The following SPATA33 variants were observed in gnomAD, a reference collection of about 807,000 sequenced individuals.
SPATA33 encodes spermatogenesis associated 33.
SPATA33 carries 10 observed loss-of-function variants against 8.9 expected under a neutral mutation model. That is an observed-to-expected ratio of 1.12 (90% confidence interval 0.69 to 1.90). The LOEUF is 1.90. Ranked by LOEUF, SPATA33 falls within the 40% of genes most tolerant of loss-of-function variation. The pLI, the probability that SPATA33 is intolerant of heterozygous loss-of-function variation, is 0.00. For missense variants in SPATA33, 241 were observed against 178.3 expected, an observed-to-expected ratio of 1.35 and a Z score of -2.00; for synonymous variants, 96 against 72.8, an observed-to-expected ratio of 1.32 and a Z score of -1.63.
At position 89,658,011 on chromosome 16, in the gene SPATA33, G is replaced by A. The variant is rs1243003598; in HGVS notation, c.37+63G>A. 3 of 1,489,522 alleles carry A rather than the reference G, an allele frequency of 2.0e-6. No individual in the cohort carries two copies. The Admixed American group carries it at 7.5e-5, about 37-fold the overall frequency. The allele number at this position is 1,489,522 out of a possible 1,614,324, so 92.3% of individuals were successfully genotyped here. On this transcript the variant is annotated intron_variant, in intron 1 of 2. Coordinates refer to ENST00000579310, the MANE Select transcript of SPATA33 (RefSeq NM_001271907.2). Reference sequence around the variant, plus strand: ...GCCCCTGGGCGCGGGCCCAGGGCGGGGCTGGGCTGGGCGGGGCGGTGTGAG... The same window carrying A: ...GCCCCTGGGCGCGGGCCCAGGGCGGAGCTGGGCTGGGCGGGGCGGTGTGAG...
At chr16:89,657,809 C>G (rs751840485), upstream of SPATA33, 2 of 1,491,926 alleles carry the variant, frequency 1.3e-6, no homozygotes, top group South Asian at 1.3e-5. Flanking sequence ...GCCATGGTGA[C>G]GCACGCCGCT....
At chr16:89,658,787 G>T in intron 2 of SPATA33, 1 of 284,914 alleles carries the variant, frequency 3.5e-6, no homozygotes, top group Admixed American at 4.5e-5. Context: ...GCCGTCCCAG[G>T]CTGGACTGTA....
intron 2 of SPATA33, among the ~76,000 whole-genome samples, chr16:89,667,363 T>C (rs2060040271): frequency 6.6e-6 from 1 of 152,206 alleles, no homozygotes; most frequent in African/African-American, 2.4e-5. Flanking sequence ...ATTATAATAT[T>C]GGAATAAAGA....
chr16:89,669,166 C>A, intron 2 of SPATA33, 120 bp from the exon 3 acceptor site: 1 of 886,174 alleles, frequency 1.1e-6, no homozygotes, highest in South Asian at 1.5e-5. Context: ...TTGGACTCAC[C>A]CATTTTTTCT....
At position 89,667,871 on chromosome 16, in the gene SPATA33, C is replaced by T. The variant is rs564112254; in HGVS notation, c.212-1415C>T. 4 of 152,384 alleles carry T rather than the reference C, an allele frequency of 2.6e-5. No homozygotes were observed. In the East Asian group the frequency reaches 7.7e-4, roughly 29 times the overall value. The allele number at this position is 152,384 out of a possible 1,614,324, so 9.4% of individuals were successfully genotyped here. A position where few individuals can be genotyped will look rare whatever the true frequency, so the allele number is the denominator to read the frequency against. ...TGGGCAGTCGAGTTGGCCTCTGTGT[C>T]TCCCCTGTTTGACTAGCCTTGGGCA... On this transcript the variant is annotated intron_variant, in intron 2 of 2. Transcript: ENST00000579310.
At chr16:89,660,684 G>C in intron 2 of SPATA33, 2 of 820,124 alleles carry the variant, frequency 2.4e-6, no homozygotes, top group Non-Finnish European at 1.6e-6. Flanking sequence ...GTCCAGAAAA[G>C]GCACATTTAC....
chr16:89,661,170 T>A (rs1386457571), intron 2 of SPATA33: 1 of 985,352 alleles, frequency 1.0e-6, no homozygotes. Flanking sequence ...GGAGAAAGTT[T>A]GGCCATAAGT....
chr16:89,661,801 C>G (rs1205720893), intron 2 of SPATA33, among the ~76,000 whole-genome samples: 2 of 151,898 alleles, frequency 1.3e-5, no homozygotes, highest in African/African-American at 4.8e-5. Context: ...GATGGGGTAT[C>G]TGAGGATGAG....
chr16:89,666,441 T>A (rs1461923242), intron 2 of SPATA33, among the ~76,000 whole-genome samples: 1 of 151,760 alleles, frequency 6.6e-6, no homozygotes, highest in Non-Finnish European at 1.5e-5. Flanking sequence ...AGTGGGAGAA[T>A]AACTTGAGCC....
intron 2 of SPATA33, chr16:89,658,940 G>A (rs2151523536): frequency 6.5e-6 from 1 of 154,856 alleles, no homozygotes; most frequent in South Asian, 1.9e-4. Flanking sequence ...CCAAAAGTAG[G>A]AAGAAGCTAG....
intron 2 of SPATA33, chr16:89,658,655 C>T: frequency 8.4e-6 from 5 of 593,366 alleles, no homozygotes; most frequent in Non-Finnish European, 1.5e-5. Context: ...AAGTGCGTAC[C>T]AGGTGGTCGA....
rs922149965 is a variant in SPATA33, at chr16:89,657,855, G to C, written c.-57G>C. On this transcript the variant is annotated 5_prime_UTR_variant, in exon 1 of 3. Coordinates refer to ENST00000579310, the MANE Select transcript of SPATA33 (RefSeq NM_001271907.2). ...CCTTTTGTGAGTCGCTCCCGGCTCCGCGGCCGCGGAGGTGTGGGGACCCGG... is the reference window on the plus strand; with the variant it reads ...CCTTTTGTGAGTCGCTCCCGGCTCCCCGGCCGCGGAGGTGTGGGGACCCGG... The C allele has an allele frequency of 4.6e-6, 7 of 1,509,178 alleles. No individual in the cohort carries two copies. In the East Asian group the frequency reaches 1.6e-4, roughly 35 times the overall value. The allele number at this position is 1,509,178 out of a possible 1,614,324, so 93.5% of individuals were successfully genotyped here.
chr16:89,669,343 T>C lies in SPATA33; in HGVS notation c.269T>C (p.Ile90Thr). 6.2e-7 allele frequency: 1 copy of C among 1,614,186 alleles called. No homozygotes were observed. The highest frequency in any genetic ancestry group is 8.5e-7 in the Non-Finnish European group (1 of 1,180,034). Residue 90 changes from isoleucine (I) to threonine (T), a missense_variant, in exon 3 of 3, where the codon ATC becomes ACC. Coordinates refer to ENST00000579310, the MANE Select transcript of SPATA33 (RefSeq NM_001271907.2). ...AAGAAAGTGGTCGTTCCACAGATCA[T>C]CATCACGCGAGCGTCGAATGAGACG... ...SRKKVVVPQI[I>T]ITRASNETLV...
At chr16:89,658,066 C>T (rs1177259416) in intron 1 of SPATA33, 118 bp downstream of exon 1, 11 of 1,463,934 alleles carry the variant, frequency 7.5e-6, no homozygotes, top group Non-Finnish European at 8.1e-6. Flanking sequence ...CCGGTGCGAA[C>T]CGTTCCTGCC....
chr16:89,659,235 G>A (rs2059931149), intron 2 of SPATA33: 1 of 152,322 alleles, frequency 6.6e-6, no homozygotes, highest in South Asian at 2.1e-4. Context: ...CCCGGTCAGA[G>A]ACCCATTGCT....
chr16:89,666,924 C>A, intron 2 of SPATA33, among the ~76,000 whole-genome samples: 1 of 152,150 alleles, frequency 6.6e-6, no homozygotes, highest in East Asian at 1.9e-4. Context: ...AAAGGCAGAG[C>A]CAGGTGTACA....
Position 89,669,701 on chromosome 16 carries a change from C to T in SPATA33, c.*204C>T, listed in dbSNP as rs1206639329. 55 of 581,484 alleles carry T rather than the reference C, an allele frequency of 9.5e-5. No individual in the cohort carries two copies. The highest frequency in any genetic ancestry group is 6.1e-4 in the African/African-American group (31 of 50,940). 36.0% of individuals were successfully genotyped at this position (581,484 alleles called of 1,614,324 possible). A position where few individuals can be genotyped will look rare whatever the true frequency, so the allele number is the denominator to read the frequency against. On this transcript the variant is annotated 3_prime_UTR_variant, in exon 3 of 3. Coordinates refer to ENST00000579310, the MANE Select transcript of SPATA33 (RefSeq NM_001271907.2). ...AGGCCCGCCCCACCTTGTGAGAAGCCGTGGCCCCCTTCTCCAGTGCTCTCA... is the reference window on the plus strand; with the variant it reads ...AGGCCCGCCCCACCTTGTGAGAAGCTGTGGCCCCCTTCTCCAGTGCTCTCA...
At position 89,668,755 on chromosome 16, in the gene SPATA33, C is replaced by G. The variant is rs28578383; in HGVS notation, c.212-531C>G. On this transcript the variant is annotated intron_variant, in intron 2 of 2. Transcript: ENST00000579310. ...CAGGAGAGCAGCCGGTGAAGGAGCA[C>G]TTTTGCTTTGTACGTGGCAACGCTC... Among the ~76,000 whole-genome samples, 421 of 152,368 alleles carry G rather than the reference C, an allele frequency of 2.8e-3. 2 individuals are homozygous for G. The highest frequency in any genetic ancestry group is 9.3e-3 in the African/African-American group (387 of 41,590).
chr16:89,668,521 C>T (rs915359434), intron 2 of SPATA33, among the ~76,000 whole-genome samples: 1 of 152,346 alleles, frequency 6.6e-6, no homozygotes, highest in East Asian at 1.9e-4. Flanking sequence ...ATCCTGCTCT[C>T]CCAGAAGCCT....
Sources: allele counts gnomAD v4.1 joint callset (sites outside exome capture counted in the v4.1 genomes callset), GRCh38; gene constraint gnomAD v4.1.1; transcripts MANE v1.5; gene names NCBI Gene and HGNC (gene_info 2026-07-23, HGNC 2026-07-21).